ABCG8: variants seen among roughly 807,000 people sequenced by gnomAD.
ABCG8 encodes ATP-binding cassette sub-family G member 8.
A neutral mutation model predicts 71.3 loss-of-function variants in ABCG8; 81 were observed. The ratio of observed to expected loss-of-function variants is 1.14; its 90% CI spans 0.95 to 1.37. ABCG8 has a LOEUF of 1.37. Ranked by LOEUF, ABCG8 falls within the 40% of genes most tolerant of loss-of-function variation. The pLI is 0.00. For synonymous variants in ABCG8, 451 were observed against 354.7 expected, an observed-to-expected ratio of 1.27 and a Z score of -3.05; for missense variants, 1,119 against 866.2, an observed-to-expected ratio of 1.29 and a Z score of -3.66.
intron 6 of ABCG8, among the ~76,000 whole-genome samples, chr2:43,864,979 T>G (rs922224604): frequency 4.0e-5 from 6 of 151,834 alleles, no homozygotes; most frequent in Non-Finnish European, 1.5e-5. Context: ...TGGATAGAAC[T>G]CTGACTATGT....
At position 43,869,729 on chromosome 2, in the gene ABCG8, C is replaced by A. The variant is rs559193228; in HGVS notation, c.965-2247C>A. Among the ~76,000 whole-genome samples, 30 of 152,132 alleles carry A rather than the reference C, an allele frequency of 2.0e-4. No individual in the cohort carries two copies. In the South Asian group the frequency reaches 6.0e-3, roughly 31 times the overall value. On this transcript the variant is annotated intron_variant, in intron 6 of 12. Coordinates refer to ENST00000272286, the MANE Select transcript of ABCG8 (RefSeq NM_022437.3). ...TCATTATCTGTCTGGATAGAATTCT[C>A]ACCATCTGGATAGAAGTGTCACTAT...
At chr2:43,869,513 C>T (rs1014994257) in intron 6 of ABCG8, among the ~76,000 whole-genome samples, 2 of 152,140 alleles carry the variant, frequency 1.3e-5, no homozygotes, top group East Asian at 3.9e-4. Context: ...ATAGAATTCT[C>T]ACCATCTGGA....
chr2:43,853,126 G>T (rs1183731656), intron 6 of ABCG8, among the ~76,000 whole-genome samples: 2 of 152,178 alleles, frequency 1.3e-5, no homozygotes, highest in South Asian at 2.1e-4. Flanking sequence ...CCAAAGATGG[G>T]AGGGCATGGA....
At chr2:43,847,000 A>G (rs934142326) in intron 3 of ABCG8, 123 of 151,928 alleles carry the variant, frequency 8.1e-4, no homozygotes, top group African/African-American at 5.4e-4. Context: ...GCACACACAC[A>G]CACACACACA....
chr2:43,876,118 T>C (rs1170551297), intron 11 of ABCG8, among the ~76,000 whole-genome samples: 1 of 152,126 alleles, frequency 6.6e-6, no homozygotes, highest in Non-Finnish European at 1.5e-5. Flanking sequence ...GTGGGGCCGC[T>C]GAGTCTCCTC....
chr2:43,856,935 C>T (rs1034629024), intron 6 of ABCG8, among the ~76,000 whole-genome samples: 2 of 149,756 alleles, frequency 1.3e-5, no homozygotes, highest in African/African-American at 4.9e-5. Context: ...GGATAGAATT[C>T]TTACTTTCTG....
chr2:43,873,741 C>T (rs758352469), intron 8 of ABCG8, 46 bp from the exon 9 acceptor site: 1 of 1,587,742 alleles, frequency 6.3e-7, no homozygotes, highest in South Asian at 1.1e-5. Context: ...GGTCACGGGG[C>T]TGGTGTATGC....
intron 6 of ABCG8, among the ~76,000 whole-genome samples, chr2:43,853,637 G>T (rs1330904602): frequency 1.3e-5 from 2 of 152,174 alleles, no homozygotes; most frequent in African/African-American, 4.8e-5. Context: ...TCATCTCCTT[G>T]AAGGCAAACA....
intron 6 of ABCG8, among the ~76,000 whole-genome samples, chr2:43,871,298 T>TTCTCACTCTCTGGATAGAAC (rs1376901187): frequency 1.6e-5 from 2 of 122,362 alleles, no homozygotes; most frequent in Non-Finnish European, 3.5e-5. Flanking sequence ...CTGGATAGAA[T>TTCTCACTCTCTGGATAGAAC]TCTCACTCTC....
At chr2:43,860,081 C>T (rs986713898) in intron 6 of ABCG8, among the ~76,000 whole-genome samples, 1 of 136,602 alleles carries the variant, frequency 7.3e-6, no homozygotes, top group Non-Finnish European at 1.6e-5. Flanking sequence ...TTCTCACCCT[C>T]TGGACAGAAC....
At chr2:43,843,213 C>T (rs1478323104) in intron 1 of ABCG8, among the ~76,000 whole-genome samples, 1 of 152,194 alleles carries the variant, frequency 6.6e-6, no homozygotes, top group Non-Finnish European at 1.5e-5. Context: ...TTTTCATTGT[C>T]ACATCCCAAA....
chr2:43,872,263 A>G lies in ABCG8; in HGVS notation c.1168A>G (p.Thr390Ala). 6.2e-7 allele frequency: 1 copy of G among 1,613,956 alleles called. No individual in the cohort carries two copies. The highest frequency in any genetic ancestry group is 1.3e-5 in the African/African-American group (1 of 75,022). The change falls in exon 8 of 13, where the codon ACG (threonine) becomes GCG (alanine). Residue 390 changes from threonine (T) to alanine (A), a missense_variant. Coordinates refer to ENST00000272286, the MANE Select transcript of ABCG8 (RefSeq NM_022437.3). ...PLDTNCLPSP[T>A]KMPGAVQQFT... is the part of the protein sequence containing the mutation. ...AGACACCAACTGCCTCCCGAGTCCT[A>G]CGAAGATGCCTGGGGCGGTGCAGCA...
chr2:43,851,975 C>T (rs1668933717), intron 4 of ABCG8, among the ~76,000 whole-genome samples, 153 bp downstream of exon 4: 1 of 152,216 alleles, frequency 6.6e-6, no homozygotes, highest in African/African-American at 2.4e-5. Context: ...GCAGCCCACC[C>T]TCCACCCTCC....
At chr2:43,868,307 C>G (rs1156849237) in intron 6 of ABCG8, among the ~76,000 whole-genome samples, 1 of 151,840 alleles carries the variant, frequency 6.6e-6, no homozygotes, top group East Asian at 1.9e-4. Context: ...TTCTCACCAT[C>G]TGGATAAAAC....
At chr2:43,866,607 A>G (rs1472917000) in intron 6 of ABCG8, among the ~76,000 whole-genome samples, 1 of 152,156 alleles carries the variant, frequency 6.6e-6, no homozygotes, top group African/African-American at 2.4e-5. Context: ...GCTCACCACC[A>G]CTGGCCATCA....
At chr2:43,871,300 C>G (rs540941613) in intron 6 of ABCG8, among the ~76,000 whole-genome samples, 4 of 149,064 alleles carry the variant, frequency 2.7e-5, no homozygotes, top group Admixed American at 2.0e-4. Flanking sequence ...GGATAGAATT[C>G]TCACTCTCTG....
intron 6 of ABCG8, among the ~76,000 whole-genome samples, chr2:43,869,727 C>G (rs1204019988): frequency 3.9e-5 from 6 of 152,050 alleles, no homozygotes; most frequent in Admixed American, 6.5e-5. Context: ...GGATAGAATT[C>G]TCACCATCTG....
At chr2:43,843,198 C>T (rs1288065091) in intron 1 of ABCG8, among the ~76,000 whole-genome samples, 6 of 151,592 alleles carry the variant, frequency 4.0e-5, no homozygotes, top group Non-Finnish European at 7.3e-5. Flanking sequence ...AGCTTTTCAA[C>T]GGCCTTTTCA....
chr2:43,844,952 C>T (rs1308223687), intron 2 of ABCG8, among the ~76,000 whole-genome samples: 3 of 151,958 alleles, frequency 2.0e-5, no homozygotes, highest in Non-Finnish European at 4.4e-5. Flanking sequence ...TTTCCATATA[C>T]CCATTGTCCA....
Sources: gnomAD v4.1 joint callset for allele counts (sites outside exome capture counted in the v4.1 genomes callset) on GRCh38, gnomAD v4.1.1 for gene constraint, MANE v1.5 for transcripts, NCBI Gene and HGNC (gene_info 2026-07-23, HGNC 2026-07-21) for gene names.